The following MIOS variants were observed in gnomAD, a reference collection of about 807,000 sequenced individuals.
MIOS encodes the protein GATOR2 complex protein MIOS.
A neutral mutation model predicts 96.9 loss-of-function variants in MIOS; 52 were observed. That is an observed-to-expected ratio of 0.54 (90% confidence interval 0.43 to 0.68). The LOEUF is 0.68. Among genes scored for constraint, MIOS ranks in the 30% least tolerant of loss-of-function variants. MIOS has a pLI of 0.00. For synonymous variants in MIOS, 397 were observed against 359.5 expected, an observed-to-expected ratio of 1.10 and a Z score of -1.18; for missense variants, 1,005 against 1,052.8, an observed-to-expected ratio of 0.95 and a Z score of 0.63.
Position 7,572,568 on chromosome 7 carries a change from A to G in MIOS, c.93A>G (p.Glu31=). 1 of 1,614,102 alleles carries G rather than the reference A, an allele frequency of 6.2e-7. No homozygotes were observed. Among genetic ancestry groups the G allele is most frequent in the Non-Finnish European group, 8.5e-7 (1 of 1,179,968 alleles). The part of the protein sequence containing the change: ...CDSELSLYHV[E]STVNSELKAG... ...CAGAACTAAGTCTTTATCATGTGGAATCTACTGTGAATTCAGAACTCAAAG... is the reference window on the plus strand; with the variant it reads ...CAGAACTAAGTCTTTATCATGTGGAGTCTACTGTGAATTCAGAACTCAAAG... Residue 31 remains glutamate, a synonymous_variant, in exon 4 of 13, where the codon GAA becomes GAG. Coordinates refer to ENST00000340080, the MANE Select transcript of MIOS (RefSeq NM_019005.4). The surrounding 1 kb of genome is among the most constrained non-coding windows in gnomAD (Gnocchi z 4.8).
intron 8 of MIOS, 54 bp from the exon 9 acceptor site, chr7:7,589,351 A>G (rs1783981464): frequency 3.9e-6 from 6 of 1,525,730 alleles, no homozygotes; most frequent in African/African-American, 1.4e-5. Context: ...GTTTTGAAGT[A>G]CAAAATACAT....
At chr7:7,604,357 G>C (rs1784466020) in intron 11 of MIOS, among the ~76,000 whole-genome samples, 1 of 152,070 alleles carries the variant, frequency 6.6e-6, no homozygotes, top group Non-Finnish European at 1.5e-5. Flanking sequence ...ATTTAACTGA[G>C]AGTTGATATT....
At position 7,607,589 on chromosome 7, in the gene MIOS, A is replaced by G. The variant is rs182665155; in HGVS notation, c.*497A>G. The G allele has an allele frequency of 2.6e-5, 4 of 153,274 alleles. No homozygotes were observed. Among genetic ancestry groups the G allele is most frequent in the Admixed American group, 1.3e-4 (2 of 15,328 alleles). 9.5% of individuals were successfully genotyped at this position (153,274 alleles called of 1,614,324 possible). A position where few individuals can be genotyped will look rare whatever the true frequency, so the allele number is the denominator to read the frequency against. On this transcript the variant is annotated 3_prime_UTR_variant, in exon 13 of 13. Transcript: ENST00000340080. ...TTACTTTTAGAATTGCAGAGCCCCT[A>G]TCCCACACTGGAGAATATTTTTTAT...
At position 7,593,073 on chromosome 7, in the gene MIOS, A is replaced by G. The variant is rs377110597; in HGVS notation, c.2044-1907A>G. On this transcript the variant is annotated intron_variant, in intron 9 of 12. Transcript: ENST00000340080. ...AGAGGATCTAGAGAAGACTTACTGT[A>G]TATGTATTGACCAAATTCTTACTTA... Among the ~76,000 whole-genome samples, 8 of 152,288 alleles carry G rather than the reference A, an allele frequency of 5.3e-5. 1 individual carries two copies. The highest frequency in any genetic ancestry group is 1.9e-4 in the African/African-American group (8 of 41,562).
chr7:7,590,567 AT>A (rs1274751911), intron 9 of MIOS, among the ~76,000 whole-genome samples: 1 of 152,110 alleles, frequency 6.6e-6, no homozygotes, highest in African/African-American at 2.4e-5. Context: ...TTACATTTAT[AT>A]GGTCATGGTT....
chr7:7,572,565 G>A lies in MIOS; in HGVS notation c.90G>A (p.Val30=). ...ACTCAGAACTAAGTCTTTATCATGTGGAATCTACTGTGAATTCAGAACTCA... is the reference window on the plus strand; with the variant it reads ...ACTCAGAACTAAGTCTTTATCATGTAGAATCTACTGTGAATTCAGAACTCA... The part of the protein sequence containing the change: ...VCDSELSLYH[V]ESTVNSELKA... The change falls in exon 4 of 13, where the codon GTG becomes GTA. Residue 30 remains valine (V), a synonymous_variant. Coordinates refer to ENST00000340080, the MANE Select transcript of MIOS (RefSeq NM_019005.4). This position sits in a 1 kb window ranked among gnomAD's most constrained non-coding sequence, Gnocchi z 4.8. The A allele has an allele frequency of 6.2e-7, 1 of 1,613,988 alleles. No individual in the cohort carries two copies. The highest frequency in any genetic ancestry group is 8.5e-7 in the Non-Finnish European group (1 of 1,179,928).
At position 7,572,661 on chromosome 7, in the gene MIOS, T is replaced by C. The variant is rs755565261; in HGVS notation, c.186T>C (p.Tyr62=). 2 of 1,614,198 alleles carry C rather than the reference T, an allele frequency of 1.2e-6. No homozygotes were observed. Among genetic ancestry groups the C allele is most frequent in the Non-Finnish European group, 8.5e-7 (1 of 1,180,010 alleles). The change falls in exon 4 of 13, where the codon TAT becomes TAC. Residue 62 remains tyrosine (Y), a synonymous_variant. Coordinates refer to ENST00000340080, the MANE Select transcript of MIOS (RefSeq NM_019005.4). The surrounding 1 kb of genome is among the most constrained non-coding windows in gnomAD (Gnocchi z 4.8). ...TGTCAATAAATTCAGATACACCCTATATGAAATGTGTTGCCTGGTATCTTA... is the reference window on the plus strand; with the variant it reads ...TGTCAATAAATTCAGATACACCCTACATGAAATGTGTTGCCTGGTATCTTA... ...TLLSINSDTP[Y]MKCVAWYLNY... is the part of the protein sequence containing the mutation.
intron 5 of MIOS, among the ~76,000 whole-genome samples, chr7:7,578,193 T>G (rs1455755148): frequency 6.6e-6 from 1 of 152,148 alleles, no homozygotes; most frequent in Non-Finnish European, 1.5e-5. Context: ...GAGGCTAGTT[T>G]ATTGAATGGG....
At chr7:7,577,843 G>A (rs1783587051) in intron 5 of MIOS, among the ~76,000 whole-genome samples, 1 of 152,124 alleles carries the variant, frequency 6.6e-6, no homozygotes, top group Non-Finnish European at 1.5e-5. Flanking sequence ...AGAAATATGG[G>A]AGGATTACTG....
intron 9 of MIOS, among the ~76,000 whole-genome samples, chr7:7,593,214 C>G (rs754534933): frequency 5.3e-5 from 8 of 152,056 alleles, no homozygotes; most frequent in Non-Finnish European, 7.4e-5. Context: ...TTAGTTCTGC[C>G]TACTTGGTCA....
At chr7:7,568,986 G>A (rs1783252479) in intron 3 of MIOS, among the ~76,000 whole-genome samples, 1 of 152,200 alleles carries the variant, frequency 6.6e-6, no homozygotes, top group South Asian at 2.1e-4. Flanking sequence ...TGTTTTGTAA[G>A]ATGGATTTTT....
At chr7:7,602,252 G>A (rs1257777190) in intron 11 of MIOS, among the ~76,000 whole-genome samples, 1 of 152,090 alleles carries the variant, frequency 6.6e-6, no homozygotes, top group Non-Finnish European at 1.5e-5. Context: ...GGAAATAAAG[G>A]GCATTCATTT....
At chr7:7,593,879 C>CAAAAAAAAAAAAAAAAAAAAAAA (rs35986278) in intron 9 of MIOS, among the ~76,000 whole-genome samples, 1 of 47,864 alleles carries the variant, frequency 2.1e-5, no homozygotes, top group African/African-American at 6.6e-5. Context: ...ACTCTGTCTC[C>CAAAAAAAAAAAAAAAAAAAAAAA]AAAAAAAAAA....
chr7:7,588,721 T>C (rs576995028), intron 8 of MIOS, among the ~76,000 whole-genome samples, 158 bp downstream of exon 8: 22 of 152,182 alleles, frequency 1.4e-4, no homozygotes, highest in Non-Finnish European at 2.8e-4. Flanking sequence ...TTTGAAAATG[T>C]CTACCATAAC....
At chr7:7,606,931 A>G in intron 12 of MIOS, 65 bp from the exon 13 acceptor site, 1 of 1,248,646 alleles carries the variant, frequency 8.0e-7, no homozygotes, top group Non-Finnish European at 1.2e-6. Flanking sequence ...TAAAAAATAA[A>G]TAAATAAATA....
intron 11 of MIOS, chr7:7,605,022 A>G (rs887976854): frequency 1.3e-5 from 2 of 152,150 alleles, no homozygotes; most frequent in Non-Finnish European, 2.9e-5. Flanking sequence ...CTTTCACCTC[A>G]TATCATTAGC....
chr7:7,569,143 T>G (rs1397824382), intron 3 of MIOS, among the ~76,000 whole-genome samples: 1 of 152,236 alleles, frequency 6.6e-6, no homozygotes, highest in Admixed American at 6.5e-5. Flanking sequence ...TGTCTCCAAT[T>G]AAGAGATTTC....
intron 9 of MIOS, 60 bp downstream of exon 9, chr7:7,589,623 C>T (rs1426918130): frequency 1.3e-6 from 2 of 1,524,486 alleles, no homozygotes; most frequent in Non-Finnish European, 1.8e-6. Flanking sequence ...TTTCTTTCCT[C>T]AGTTGAAAGT....
Position 7,568,732 on chromosome 7 carries a change from C to T in MIOS, c.-41+609C>T, listed in dbSNP as rs77867081. Among the ~76,000 whole-genome samples the T allele has an allele frequency of 2.2e-4, 34 of 152,256 alleles. No individual in the cohort carries two copies. The East Asian group carries it at 4.8e-3, about 22-fold the overall frequency. ...TCCTTTTCTTTGCAGTAATCTAGGACGGAAGTTGAGAGACCTTGGATAACC... is the reference window on the plus strand; with the variant it reads ...TCCTTTTCTTTGCAGTAATCTAGGATGGAAGTTGAGAGACCTTGGATAACC... On this transcript the variant is annotated intron_variant, in intron 3 of 12. Transcript: ENST00000340080.
Sources: gnomAD v4.1 joint callset for allele counts (sites outside exome capture counted in the v4.1 genomes callset) on GRCh38, gnomAD v4.1.1 for gene constraint, Gnocchi (gnomAD v3.1) non-coding constraint, MANE v1.5 for transcripts, NCBI Gene and HGNC (gene_info 2026-07-23, HGNC 2026-07-21) for gene names.